SPRR2G: variants seen among roughly 807,000 people sequenced by gnomAD.
SPRR2G encodes the protein small proline rich protein 2G.
A neutral mutation model predicts 0.7 loss-of-function variants in SPRR2G; 1 was observed. The ratio of observed to expected loss-of-function variants is 1.49; its 90% CI spans 0.53 to 7.06. The LOEUF (loss-of-function observed/expected upper bound fraction) is 7.06. Among genes scored for constraint, SPRR2G ranks in the 30% most tolerant of loss-of-function variants. The pLI is 0.14. For synonymous variants in SPRR2G, 38 were observed against 33.9 expected (o/e 1.12, Z -0.42); for missense variants, 96 against 88.5 (o/e 1.09, Z -0.34).
rs757050160 is a variant in SPRR2G at position 153,150,159 on chromosome 1, A to G, written c.-21-28T>C. 6 of 1,607,370 alleles carry G rather than the reference A, an allele frequency of 3.7e-6. No homozygotes were observed. In the East Asian group the frequency reaches 8.9e-5, roughly 24 times the overall value. ...GAAAGATACATACGAAACAGTGCTC[A>G]TAAGAGAGACAGTCCTGTTGGTGGA... is the stretch of plus-strand genomic sequence containing the variant. On this transcript the variant is annotated intron_variant, in intron 1 of 1. Transcript: ENST00000368748.
At chr1:153,173,710 C>T in the SPRR2G span, among the ~76,000 whole-genome samples, 1 of 152,196 alleles carries the variant, frequency 6.6e-6, no homozygotes, top group Non-Finnish European at 1.5e-5. Flanking sequence ...GAGCGGTTCC[C>T]TCCTTGTCAC....
At chr1:153,159,944 C>G in the SPRR2G span, among the ~76,000 whole-genome samples, 1 of 152,208 alleles carries the variant, frequency 6.6e-6, no homozygotes, top group Non-Finnish European at 1.5e-5. Flanking sequence ...TGGGTGGGTA[C>G]ACAGAGCCAA....
At chr1:153,175,037 A>G in the SPRR2G span, among the ~76,000 whole-genome samples, 1 of 152,208 alleles carries the variant, frequency 6.6e-6, no homozygotes, top group African/African-American at 2.4e-5. Flanking sequence ...AGATGTTATC[A>G]TGGGTCCCAG....
At chr1:153,202,872 CA>C in the SPRR2G span, among the ~76,000 whole-genome samples, 1 of 152,154 alleles carries the variant, frequency 6.6e-6, no homozygotes, top group African/African-American at 2.4e-5. Context: ...CCACTCCTAA[CA>C]CACCCCCATT....
chr1:153,168,581 C>T, the SPRR2G span, among the ~76,000 whole-genome samples: 1 of 151,996 alleles, frequency 6.6e-6, no homozygotes, highest in Non-Finnish European at 1.5e-5. Context: ...TTACTAGATG[C>T]TATTTTATAT....
the SPRR2G span, among the ~76,000 whole-genome samples, chr1:153,157,872 G>A: frequency 6.7e-6 from 1 of 148,212 alleles, no homozygotes; most frequent in Non-Finnish European, 1.5e-5. Flanking sequence ...CATGGAAGAG[G>A]GTGAAGAGGA....
At chr1:153,202,902 G>C in the SPRR2G span, among the ~76,000 whole-genome samples, 1 of 152,032 alleles carries the variant, frequency 6.6e-6, no homozygotes, top group African/African-American at 2.4e-5. Flanking sequence ...AAAGACCCTG[G>C]TCAGGCCTTT....
chr1:153,188,651 C>T, the SPRR2G span, among the ~76,000 whole-genome samples: 316 of 152,332 alleles, frequency 2.1e-3, 2 homozygotes, highest in East Asian at 0.026. Context: ...ACTTCGCTCC[C>T]TGGCTTCAAC....
the SPRR2G span, among the ~76,000 whole-genome samples, chr1:153,162,395 T>C: frequency 6.6e-6 from 1 of 152,176 alleles, no homozygotes; most frequent in Admixed American, 6.5e-5. Context: ...TTTTCAGGAA[T>C]GCATGTCCTC....
chr1:153,184,248 C>G, the SPRR2G span, among the ~76,000 whole-genome samples: 1 of 152,196 alleles, frequency 6.6e-6, no homozygotes, highest in African/African-American at 2.4e-5. Flanking sequence ...TTTTCTAATT[C>G]AGTGAAGAAA....
chr1:153,185,232 G>A, the SPRR2G span, among the ~76,000 whole-genome samples: 62 of 152,128 alleles, frequency 4.1e-4, no homozygotes, highest in African/African-American at 1.5e-3. Context: ...AATGATTTAG[G>A]GAGGATTCCC....
the SPRR2G span, among the ~76,000 whole-genome samples, chr1:153,165,328 A>G: frequency 1.3e-5 from 2 of 152,218 alleles, no homozygotes; most frequent in Non-Finnish European, 2.9e-5. Context: ...CATTGATTCA[A>G]GAACAGAGGA....
chr1:153,182,689 GC>G, the SPRR2G span, among the ~76,000 whole-genome samples: 1 of 152,072 alleles, frequency 6.6e-6, no homozygotes, highest in Admixed American at 6.6e-5. Flanking sequence ...ATGATTTCCA[GC>G]TTCATCCATG....
At chr1:153,162,351 T>C in the SPRR2G span, among the ~76,000 whole-genome samples, 1 of 152,250 alleles carries the variant, frequency 6.6e-6, no homozygotes, top group African/African-American at 2.4e-5. Flanking sequence ...TTCTGTTTTA[T>C]GGCTGCATAA....
At chr1:153,198,635 G>A in the SPRR2G span, among the ~76,000 whole-genome samples, 2 of 152,172 alleles carry the variant, frequency 1.3e-5, no homozygotes, top group Non-Finnish European at 2.9e-5. Context: ...TTCTTGTTAA[G>A]TCTTGGTGGA....
At chr1:153,166,486 G>A in the SPRR2G span, among the ~76,000 whole-genome samples, 814 of 152,138 alleles carry the variant, frequency 5.4e-3, 12 homozygotes, top group Middle Eastern at 0.02. Flanking sequence ...TGGTCCCAAG[G>A]AAGTGTTCCT....
chr1:153,194,406 C>T, the SPRR2G span, among the ~76,000 whole-genome samples: 1 of 152,204 alleles, frequency 6.6e-6, no homozygotes, highest in Non-Finnish European at 1.5e-5. Flanking sequence ...TCATTAAACA[C>T]TTGCTGGGCC....
At chr1:153,186,750 G>A in the SPRR2G span, among the ~76,000 whole-genome samples, 96 of 152,286 alleles carry the variant, frequency 6.3e-4, 1 homozygote, top group East Asian at 0.018. Flanking sequence ...CATGATGCTA[G>A]CTGGTTATTT....
chr1:153,177,409 T>C, the SPRR2G span, among the ~76,000 whole-genome samples: 2 of 152,204 alleles, frequency 1.3e-5, no homozygotes, highest in Non-Finnish European at 2.9e-5. Context: ...TTTAACTTTA[T>C]AAGAAACCGC....
Sources: allele counts gnomAD v4.1 joint callset (sites outside exome capture counted in the v4.1 genomes callset), GRCh38; gene constraint gnomAD v4.1.1; transcripts MANE v1.5; gene names NCBI Gene and HGNC (gene_info 2026-07-23, HGNC 2026-07-21).